Variants in POLR3C observed in about 807,000 individuals in gnomAD.
POLR3C encodes the protein DNA-directed RNA polymerase III subunit RPC3.
A neutral mutation model predicts 65.9 loss-of-function variants in POLR3C; 44 were observed. The observed-to-expected ratio is 0.67, with a 90% CI of 0.52 to 0.86. The LOEUF is 0.86. Ranked by LOEUF, POLR3C falls within the 40% of genes least tolerant of loss-of-function variation. The probability of loss-of-function intolerance (pLI) is 0.00; values close to 1 mark genes in which losing one functional copy is unlikely to be tolerated. For synonymous variants in POLR3C, 263 were observed against 231.6 expected (o/e 1.14, Z -1.23); for missense variants, 576 against 653.2 (o/e 0.88, Z 1.29).
Position 145,836,541 on chromosome 1 carries a change from T to G in POLR3C, c.924T>G (p.Leu308=). The G allele has an allele frequency of 6.2e-7, 1 of 1,609,946 alleles. No individual in the cohort carries two copies. Among genetic ancestry groups the G allele is most frequent in the Non-Finnish European group, 8.5e-7 (1 of 1,176,244 alleles). ...GCTATAACATCTCTAAGCAAGTTCTTGATCAGTATCTCACTCTGCTGGCAG... is the reference window on the plus strand; with the variant it reads ...GCTATAACATCTCTAAGCAAGTTCTGGATCAGTATCTCACTCTGCTGGCAG... The part of the protein sequence containing the change: ...PVGYNISKQV[L]DQYLTLLADD... Residue 308 remains leucine, a synonymous_variant, in exon 8 of 15, where the codon CTT becomes CTG. Transcript: ENST00000334163.
chr1:145,830,131 C>G (rs781978115), intron 5 of POLR3C, among the ~76,000 whole-genome samples: 4 of 151,848 alleles, frequency 2.6e-5, no homozygotes, highest in African/African-American at 9.7e-5. Context: ...GTTATACTTA[C>G]GTGCATTTTT....
chr1:145,833,296 C>G lies in POLR3C; in HGVS notation c.715C>G (p.Leu239Val), dbSNP rs782055601. Residue 239 changes from leucine to valine, a missense_variant, in exon 6 of 15, where the codon CTT (leucine) becomes GTT (valine). Leu to Val is a conservative substitution (Grantham distance 32). Coordinates refer to ENST00000334163, the MANE Select transcript of POLR3C (RefSeq NM_006468.8). Reference sequence around the variant, plus strand: ...TGATGGGATTTATTGGCAGGCCAACCTTGACAGATTCCACCAACACTTCCG... The same window carrying G: ...TGATGGGATTTATTGGCAGGCCAACGTTGACAGATTCCACCAACACTTCCG... The part of the protein sequence containing the change: ...PDDGIYWQAN[L>V]DRFHQHFRDQ... 6.2e-7 allele frequency: 1 copy of G among 1,613,538 alleles called. No individual in the cohort carries two copies. Among genetic ancestry groups the G allele is most frequent in the East Asian group, 2.2e-5 (1 of 44,884 alleles).
chr1:145,827,800 C>T (rs911241280), intron 4 of POLR3C, among the ~76,000 whole-genome samples: 9 of 150,338 alleles, frequency 6.0e-5, no homozygotes, highest in South Asian at 2.1e-4. Flanking sequence ...TGGTGGCATA[C>T]GCCTGTAATC....
At position 145,842,434 on chromosome 1, in the gene POLR3C, TCTTCCTCAGAAGATCTGGG is replaced by T; in HGVS notation, c.*15_*33del. The T allele has an allele frequency of 6.4e-7, 1 of 1,550,876 alleles. No homozygotes were observed. Among genetic ancestry groups the T allele is most frequent in the South Asian group, 1.1e-5 (1 of 89,872 alleles). Reference sequence around the variant, plus strand: ...AAGAGACAGTGATCCAGAAGAAGCATCTTCCTCAGAAGATCTGGGGGGATGGAAAGCAAAATAAAGGAGG... The same window carrying T: ...AAGAGACAGTGATCCAGAAGAAGCATGGGATGGAAAGCAAAATAAAGGAGG... On this transcript the variant is annotated 3_prime_UTR_variant, in exon 15 of 15. Transcript: ENST00000334163.
rs782044170 is a variant in POLR3C at position 145,826,847 on chromosome 1, T to C, written c.431T>C (p.Val144Ala). 4 of 1,611,426 alleles carry C rather than the reference T, an allele frequency of 2.5e-6. No homozygotes were observed. In the South Asian group the frequency reaches 4.4e-5, roughly 18 times the overall value. The change falls in exon 4 of 15, where the codon GTA (valine) becomes GCA (alanine). Residue 144 changes from valine (V) to alanine (A), a missense_variant. Val to Ala is a moderately conservative substitution (Grantham distance 64, BLOSUM62 0). Coordinates refer to ENST00000334163, the MANE Select transcript of POLR3C (RefSeq NM_006468.8). ...EDGKTMDYAE[V>A]SNTFVRLADT... ...GGCAAGACCATGGACTATGCTGAAG[T>C]ATCAAACACATTTGTGCGACTGGCA...
At chr1:145,825,571 C>G (rs1553725539) in intron 1 of POLR3C, among the ~76,000 whole-genome samples, 186 bp from the exon 2 acceptor site, 6 of 152,102 alleles carry the variant, frequency 3.9e-5, no homozygotes, top group African/African-American at 1.4e-4. Flanking sequence ...TTATTATTAG[C>G]TTTTTCTTTC....
Position 145,840,170 on chromosome 1 carries a change from G to T in POLR3C, c.1373+5G>T. On this transcript the variant is annotated splice_donor_5th_base_variant and intron_variant, in intron 13 of 14. Transcript: ENST00000334163. ...ATTTGAAACCAAAGAGAATAAGTAA[G>T]TAACATTTTCAGTTGAGTTATTTAC... The T allele has an allele frequency of 6.4e-7, 1 of 1,559,530 alleles. No individual in the cohort carries two copies. Among genetic ancestry groups the T allele is most frequent in the Non-Finnish European group, 8.8e-7 (1 of 1,130,248 alleles).
chr1:145,827,334 G>A (rs1188435823), intron 4 of POLR3C, among the ~76,000 whole-genome samples: 1 of 152,162 alleles, frequency 6.6e-6, no homozygotes, highest in Admixed American at 6.5e-5. Flanking sequence ...TGCCATGAAG[G>A]AAAAGTATGA....
chr1:145,842,202 A>T, intron 14 of POLR3C, 137 bp from the exon 15 acceptor site: 1 of 611,580 alleles, frequency 1.6e-6, no homozygotes, highest in Non-Finnish European at 2.9e-6. Flanking sequence ...AAAATGATCT[A>T]CTGGTTCTCC....
chr1:145,830,323 C>A (rs757998262), intron 5 of POLR3C, among the ~76,000 whole-genome samples: 2 of 149,838 alleles, frequency 1.3e-5, no homozygotes. Context: ...AAAAAAAAAC[C>A]CAGTTAGGAG....
At chr1:145,832,625 G>A (rs587694790) in intron 5 of POLR3C, among the ~76,000 whole-genome samples, 1 of 152,182 alleles carries the variant, frequency 6.6e-6, no homozygotes, top group Non-Finnish European at 1.5e-5. Context: ...TTCTGGCCTA[G>A]TGTCTTCTAT....
At position 145,826,439 on chromosome 1, in the gene POLR3C, TTATGTTC is replaced by T. The variant is rs1559140841; in HGVS notation, c.148-14_148-8del. ...CAGGTCTTTCCTCTCTTTCTTCTCT[TTATGTTC>T]CATTTAGGTGAAGAAAGCCCTGTGT... is the stretch of plus-strand genomic sequence containing the variant. On this transcript the variant is annotated splice_region_variant and splice_polypyrimidine_tract_variant and intron_variant, in intron 2 of 14. Transcript: ENST00000334163. 6.2e-7 allele frequency: 1 copy of T among 1,611,570 alleles called. No homozygotes were observed. The highest frequency in any genetic ancestry group is 1.1e-5 in the South Asian group (1 of 91,036).
Position 145,826,862 on chromosome 1 carries a change from T to C in POLR3C, c.446T>C (p.Val149Ala), listed in dbSNP as rs1553725953. 1.9e-6 allele frequency: 3 copies of C among 1,612,238 alleles called. No homozygotes were observed. Among genetic ancestry groups the C allele is most frequent in the South Asian group, 2.2e-5 (2 of 90,892 alleles). Residue 149 changes from valine (V) to alanine (A), a missense_variant, in exon 4 of 15, where the codon GTG becomes GCG. Coordinates refer to ENST00000334163, the MANE Select transcript of POLR3C (RefSeq NM_006468.8). ...TATGCTGAAGTATCAAACACATTTG[T>C]GCGACTGGCAGACACACACTTTGTA... ...MDYAEVSNTF[V>A]RLADTHFVQR...
rs367900792 is a variant in POLR3C at position 145,826,901 on chromosome 1, C to A, written c.485C>A (p.Ser162Ter). Residue 162 changes from serine to a stop codon, truncating the protein, a stop_gained, in exon 4 of 15, where the codon TCG becomes TAG. Transcript: ENST00000334163. LOFTEE classifies it high-confidence loss of function. ...ADTHFVQRCP[S>*]VPTTENSDPG... ...ACACACTTTGTACAACGCTGCCCTTCGGTACCTACCACTGAGAATTCAGAC... is the reference window on the plus strand; with the variant it reads ...ACACACTTTGTACAACGCTGCCCTTAGGTACCTACCACTGAGAATTCAGAC... 7 of 1,613,194 alleles carry A rather than the reference C, an allele frequency of 4.3e-6. No individual in the cohort carries two copies. The highest frequency in any genetic ancestry group is 5.1e-6 in the Non-Finnish European group (6 of 1,179,664).
Position 145,839,896 on chromosome 1 carries a change from C to G in POLR3C, c.1228C>G (p.Pro410Ala). The change falls in exon 12 of 15, where the codon CCC becomes GCC. Residue 410 changes from proline (P) to alanine (A), a missense_variant. Physicochemically the swap from Pro to Ala is conservative, Grantham distance 27. Coordinates refer to ENST00000334163, the MANE Select transcript of POLR3C (RefSeq NM_006468.8). ...CTTTCTATTGGACAAATAGGAAATT[C>G]CCAAAACACCAGACCATGCCCCATC... Reference protein sequence around the residue: ...SENFMSLQEIPKTPDHAPSRT... With the variant: ...SENFMSLQEIAKTPDHAPSRT... 1 of 1,580,518 alleles carries G rather than the reference C, an allele frequency of 6.3e-7. No homozygotes were observed. The highest frequency in any genetic ancestry group is 2.2e-5 in the East Asian group (1 of 44,728).
In POLR3C at chr1:145,826,861, G is replaced by T; in HGVS notation, c.445G>T (p.Val149Leu). 1 of 1,612,056 alleles carries T rather than the reference G, an allele frequency of 6.2e-7. No homozygotes were observed. The highest frequency in any genetic ancestry group is 8.5e-7 in the Non-Finnish European group (1 of 1,179,216). The change falls in exon 4 of 15, where the codon GTG becomes TTG. Residue 149 changes from valine to leucine, a missense_variant. Physicochemically the swap from Val to Leu is conservative, Grantham distance 32. Coordinates refer to ENST00000334163, the MANE Select transcript of POLR3C (RefSeq NM_006468.8). ...MDYAEVSNTF[V>L]RLADTHFVQR... Reference sequence around the variant, plus strand: ...CTATGCTGAAGTATCAAACACATTTGTGCGACTGGCAGACACACACTTTGT... The same window carrying T: ...CTATGCTGAAGTATCAAACACATTTTTGCGACTGGCAGACACACACTTTGT...
intron 4 of POLR3C, among the ~76,000 whole-genome samples, chr1:145,828,026 T>C (rs1553726273): frequency 6.6e-6 from 1 of 152,110 alleles, no homozygotes; most frequent in Admixed American, 6.5e-5. Flanking sequence ...TGAGCTAAGA[T>C]TTGAAGTAGA....
intron 1 of POLR3C, chr1:145,824,578 CG>C: frequency 2.4e-6 from 3 of 1,250,782 alleles, no homozygotes; most frequent in Non-Finnish European, 3.1e-6. Flanking sequence ...GGGGTGGGGA[CG>C]GGGAGGCAAA....
chr1:145,825,930 C>G lies in POLR3C; in HGVS notation c.147+7C>G, dbSNP rs782124155. ...AGGAACATCACTGGATCAGGTATGT[C>G]TAAATGACATTCATTTTCTCTCATT... On this transcript the variant is annotated splice_region_variant and intron_variant, in intron 2 of 14. Coordinates refer to ENST00000334163, the MANE Select transcript of POLR3C (RefSeq NM_006468.8). 5 of 1,593,144 alleles carry G rather than the reference C, an allele frequency of 3.1e-6. No individual in the cohort carries two copies. The African/African-American group carries it at 6.7e-5, about 21-fold the overall frequency.
Sources: gnomAD v4.1 joint callset for allele counts (sites outside exome capture counted in the v4.1 genomes callset) on GRCh38, gnomAD v4.1.1 for gene constraint, MANE v1.5 for transcripts, NCBI Gene and HGNC (gene_info 2026-07-23, HGNC 2026-07-21) for gene names.